Variants in MYH11 observed in about 807,000 individuals in gnomAD.
MYH11 encodes myosin heavy chain 11.
In MYH11, 80 loss-of-function variants were observed where a neutral mutation model predicts 246.6. That is an observed-to-expected ratio of 0.32 (90% CI 0.27 to 0.39). The LOEUF (loss-of-function observed/expected upper bound fraction) is 0.39. Ranked by LOEUF, MYH11 falls within the 10% of genes least tolerant of loss-of-function variation. The pLI is 1.00. For missense variants in MYH11, 2,158 were observed against 2,546.8 expected (o/e 0.85, Z 3.29); for synonymous variants, 1,071 against 1,015.5 (o/e 1.05, Z -1.04).
intron 4 of MYH11, among the ~76,000 whole-genome samples, chr16:15,795,369 G>A (rs1209378841): frequency 6.6e-6 from 1 of 152,088 alleles, no homozygotes; most frequent in Non-Finnish European, 1.5e-5. Flanking sequence ...CCCAGCACTT[G>A]GGAGGCCGAG....
chr16:15,820,126 T>G lies in MYH11; in HGVS notation c.502+3129A>C, dbSNP rs550749478. Among the ~76,000 whole-genome samples, 13 of 152,296 alleles carry G rather than the reference T, an allele frequency of 8.5e-5. No homozygotes were observed. The East Asian group carries it at 2.5e-3, about 29-fold the overall frequency. On this transcript the variant is annotated intron_variant, in intron 3 of 40. Transcript: ENST00000300036. The stretch of plus-strand genomic sequence containing the variant: ...GGGAGGCCGAGGTGGGAGGATCACC[T>G]GAGGCCAGGAGTTCAAGACCAGTCT...
chr16:15,816,416 A>G lies in MYH11; in HGVS notation c.502+6839T>C, dbSNP rs113736776. On this transcript the variant is annotated intron_variant, in intron 3 of 40. Transcript: ENST00000300036. ...AAATACATGGAAAACAAGATTGGGG[A>G]AAAAAAAGGCAATTGCTAACTCCAG... 3.9e-3 allele frequency among the ~76,000 whole-genome samples: 559 copies of G among 144,138 alleles called. 7 individuals carry two copies. The highest frequency in any genetic ancestry group is 7.4e-3 in the African/African-American group (276 of 37,242). The allele number at this position is 144,138 out of a possible 152,430, so 94.6% of individuals were successfully genotyped here. A position where few individuals can be genotyped will look rare whatever the true frequency, so the allele number is the denominator to read the frequency against.
At chr16:15,800,950 A>C (rs1238878114) in intron 3 of MYH11, among the ~76,000 whole-genome samples, 2 of 152,144 alleles carry the variant, frequency 1.3e-5, no homozygotes, top group Non-Finnish European at 2.9e-5. Flanking sequence ...TCATGCCTGT[A>C]ATCTCACCAC....
At position 15,857,017 on chromosome 16, in the gene MYH11, C is replaced by G. The variant is rs560762828; in HGVS notation, c.-94G>C. The G allele has an allele frequency of 6.7e-6, 1 of 148,260 alleles. No homozygotes were observed. The highest frequency in any genetic ancestry group is 2.2e-4 in the East Asian group (1 of 4,480). The allele number at this position is 148,260 out of a possible 1,614,324, so 9.2% of individuals were successfully genotyped here. On this transcript the variant is annotated 5_prime_UTR_variant, in exon 1 of 41. Coordinates refer to ENST00000300036, the MANE Select transcript of MYH11 (RefSeq NM_002474.3). The stretch of plus-strand genomic sequence containing the variant: ...ATCTGACGCACCTCCCAGGCCGGAG[C>G]GTCCAAATCTCCCTGCGCGTCCTCG...
At chr16:15,751,383 G>A (rs964537394) in intron 15 of MYH11, among the ~76,000 whole-genome samples, 47 of 151,502 alleles carry the variant, frequency 3.1e-4, no homozygotes, top group African/African-American at 1.1e-3. Context: ...GGCTGGTCTC[G>A]AACTCCTGAC....
At chr16:15,818,494 G>A (rs1184461465) in intron 3 of MYH11, among the ~76,000 whole-genome samples, 2 of 152,104 alleles carry the variant, frequency 1.3e-5, no homozygotes, top group Admixed American at 6.6e-5. Context: ...GTGCAGTGGC[G>A]TGATCTCGGC....
rs545014195 is a variant in MYH11 at position 15,706,168 on chromosome 16, C to T, written c.5787-2045G>A. 6.0e-3 allele frequency among the ~76,000 whole-genome samples: 910 copies of T among 152,210 alleles called. 8 individuals carry two copies. The highest frequency in any genetic ancestry group is 0.031 in the Middle Eastern group (9 of 294). ...GAATAAATACTTAAAGCTGCAGCCA[C>T]TTCAAAGTAAACACTCCTAGCCCAG... On this transcript the variant is annotated intron_variant, in intron 40 of 40. Coordinates refer to ENST00000300036, the MANE Select transcript of MYH11 (RefSeq NM_002474.3).
At chr16:15,769,520 C>G (rs1175864902) in intron 9 of MYH11, among the ~76,000 whole-genome samples, 1 of 151,204 alleles carries the variant, frequency 6.6e-6, no homozygotes, top group East Asian at 1.9e-4. Flanking sequence ...CTTCGACCTC[C>G]TGGGCTCAAG....
At chr16:15,735,772 G>C (rs1397275203) in intron 25 of MYH11, among the ~76,000 whole-genome samples, 194 bp from the exon 26 acceptor site, 1 of 152,366 alleles carries the variant, frequency 6.6e-6, no homozygotes, top group East Asian at 1.9e-4. Context: ...GCCAAGGTCT[G>C]ACATCAAAAC....
rs1303933614 is a variant in MYH11 at position 15,838,129 on chromosome 16, T to G, written c.124A>C (p.Lys42Gln). ...AKRLVWVPSE[K>Q]QGFEAASIKE... is the part of the protein sequence containing the mutation. ...ATGCTGGCTGCCTCGAAGCCCTGCT[T>G]CTCCGAGGGGACCCAGACGAGTCTC... Residue 42 changes from lysine to glutamine, a missense_variant, in exon 2 of 41, where the codon AAG becomes CAG. By Grantham distance (53) the Lys-to-Gln change is moderately conservative (BLOSUM62 1). Transcript: ENST00000300036. The G allele has an allele frequency of 6.2e-7, 1 of 1,614,084 alleles. No homozygotes were observed.
At chr16:15,784,961 G>T in intron 5 of MYH11, 2 of 405,442 alleles carry the variant, frequency 4.9e-6, no homozygotes, top group Non-Finnish European at 4.5e-6. Flanking sequence ...AGCCTCCCAA[G>T]TAGCTAAGAC....
At chr16:15,854,669 A>G (rs2044416555) in intron 1 of MYH11, among the ~76,000 whole-genome samples, 1 of 152,164 alleles carries the variant, frequency 6.6e-6, no homozygotes. Context: ...GATGATTTTT[A>G]AATTTGCTTA....
intron 4 of MYH11, chr16:15,791,706 C>T (rs2042614148): frequency 6.9e-6 from 1 of 144,398 alleles, no homozygotes; most frequent in Non-Finnish European, 1.5e-5. Context: ...CAAGATCTCA[C>T]TCTGTGGCCC....
rs1555551728 is a variant in MYH11, at chr16:15,720,216, C to G, written c.4888G>C (p.Glu1630Gln). The G allele has an allele frequency of 1.2e-6, 2 of 1,613,990 alleles. No homozygotes were observed. The highest frequency in any genetic ancestry group is 1.7e-6 in the Non-Finnish European group (2 of 1,180,030). Reference protein sequence around the residue: ...KKLEGDLKDLELQADSAIKGR... With the variant: ...KKLEGDLKDLQLQADSAIKGR... ...TTGATGGCAGAGTCGGCCTGAAGCT[C>G]CAGGTCTTTCAGGTCCCCTTCCAGC... The change falls in exon 34 of 41, where the codon GAG becomes CAG. Residue 1630 changes from glutamate to glutamine, a missense_variant. Transcript: ENST00000300036.
intron 28 of MYH11, 186 bp from the exon 29 acceptor site, chr16:15,725,178 T>C (rs959565176): frequency 1.1e-5 from 7 of 633,294 alleles, no homozygotes; most frequent in African/African-American, 1.9e-5. Context: ...AAACAGAATC[T>C]GTGGCTTGAA....
chr16:15,800,443 A>T (rs1341688682), intron 3 of MYH11, among the ~76,000 whole-genome samples: 2 of 149,858 alleles, frequency 1.3e-5, no homozygotes, highest in Non-Finnish European at 3.0e-5. Flanking sequence ...AAGAAAGAAG[A>T]AAGGAGGGAA....
intron 4 of MYH11, among the ~76,000 whole-genome samples, 193 bp downstream of exon 4, chr16:15,798,467 G>A (rs1267798310): frequency 2.0e-5 from 3 of 152,080 alleles, no homozygotes; most frequent in East Asian, 3.9e-4. Flanking sequence ...GCCTGCCTCC[G>A]CAGAAGACCA....
chr16:15,853,604 C>A, intron 1 of MYH11, among the ~76,000 whole-genome samples: 1 of 152,208 alleles, frequency 6.6e-6, no homozygotes, highest in East Asian at 1.9e-4. Context: ...CTTTCAAATT[C>A]TTGCCTGCCT....
intron 1 of MYH11, among the ~76,000 whole-genome samples, chr16:15,839,599 C>T (rs2043998694): frequency 6.6e-6 from 1 of 151,420 alleles, no homozygotes; most frequent in Non-Finnish European, 1.5e-5. Context: ...GAGGCTGAGG[C>T]AAGAGGATTG....
Sources: gnomAD v4.1 joint callset for allele counts (sites outside exome capture counted in the v4.1 genomes callset) on GRCh38, gnomAD v4.1.1 for gene constraint, MANE v1.5 for transcripts, NCBI Gene and HGNC (gene_info 2026-07-23, HGNC 2026-07-21) for gene names.